Variants in USP45 observed in about 807,000 individuals in gnomAD.
USP45 encodes ubiquitin specific peptidase 45, also known as ubiquitin carboxyl-terminal hydrolase 45.
Under a neutral mutation model 95.8 loss-of-function variants are expected in USP45, and 89 were observed. The ratio of observed to expected loss-of-function variants is 0.93; its 90% CI spans 0.78 to 1.11. The LOEUF (loss-of-function observed/expected upper bound fraction) is 1.11. USP45 is among the 50% of genes least tolerant of loss of function. The pLI is 0.00. For missense variants in USP45, 898 were observed against 942.5 expected (o/e 0.95, Z 0.62); for synonymous variants, 281 against 316.2 (o/e 0.89, Z 1.18).
chr6:99,467,604 TAATA>T (rs1308940481), intron 10 of USP45, among the ~76,000 whole-genome samples: 2 of 152,000 alleles, frequency 1.3e-5, no homozygotes, highest in African/African-American at 4.8e-5. Context: ...AATACTATAA[TAATA>T]AAGATATTTC....
At chr6:99,510,857 A>G (rs1037053865) in intron 1 of USP45, among the ~76,000 whole-genome samples, 4 of 152,164 alleles carry the variant, frequency 2.6e-5, no homozygotes, top group African/African-American at 7.2e-5. Flanking sequence ...TCATCAACGG[A>G]GTAAGTATTG....
At chr6:99,506,007 G>A (rs190491165) in intron 4 of USP45, among the ~76,000 whole-genome samples, 5 of 152,114 alleles carry the variant, frequency 3.3e-5, no homozygotes, top group East Asian at 3.9e-4. Context: ...CTGTTCTTTC[G>A]TCATTCTCCC....
intron 1 of USP45, chr6:99,514,884 A>C (rs774671171): frequency 6.6e-6 from 1 of 152,200 alleles, no homozygotes; most frequent in Non-Finnish European, 1.5e-5. Context: ...TATTTTCCGC[A>C]TTTTACACTT....
chr6:99,453,418 C>G (rs958384736), intron 13 of USP45, among the ~76,000 whole-genome samples: 34 of 151,324 alleles, frequency 2.2e-4, no homozygotes, highest in African/African-American at 8.2e-4. Flanking sequence ...TTTACAATGG[C>G]TACAAAAGAA....
At position 99,507,455 on chromosome 6, in the gene USP45, A is replaced by T; in HGVS notation, c.350T>A (p.Ile117Lys). The change falls in exon 4 of 18, where the codon ATA becomes AAA. Residue 117 changes from isoleucine (I) to lysine (K), a missense_variant. Coordinates refer to ENST00000500704, the MANE Select transcript of USP45 (RefSeq NM_001346022.3). ...KSSRTEPHCI[I>K]INLSTWIIWC... is the part of the protein sequence containing the mutation. ...TATAATCCATGTGCTCAGATTAATT[A>T]TAATACAATGGGGCTCTGTTCTGGA... 6.2e-7 allele frequency: 1 copy of T among 1,611,764 alleles called. No individual in the cohort carries two copies. Among genetic ancestry groups the T allele is most frequent in the Non-Finnish European group, 8.5e-7 (1 of 1,178,828 alleles).
intron 5 of USP45, among the ~76,000 whole-genome samples, chr6:99,501,397 T>C (rs1335935588): frequency 1.3e-5 from 2 of 152,194 alleles, no homozygotes; most frequent in Non-Finnish European, 2.9e-5. Flanking sequence ...TTCATTACAG[T>C]ATCTGTCATG....
At chr6:99,514,682 T>C (rs1276603824) in intron 1 of USP45, among the ~76,000 whole-genome samples, 1 of 152,060 alleles carries the variant, frequency 6.6e-6, no homozygotes, top group Non-Finnish European at 1.5e-5. Context: ...AAAAAAATCC[T>C]TTTTTCCTAC....
At chr6:99,439,206 T>C (rs1781059491) in intron 16 of USP45, among the ~76,000 whole-genome samples, 1 of 152,184 alleles carries the variant, frequency 6.6e-6, no homozygotes. Context: ...AACTGCTTCC[T>C]TCAAGGAAGA....
chr6:99,452,892 C>T (rs1269502939), intron 13 of USP45, among the ~76,000 whole-genome samples: 2 of 152,080 alleles, frequency 1.3e-5, no homozygotes, highest in Non-Finnish European at 2.9e-5. Context: ...ATGGATGAAG[C>T]TGGAAACCAT....
At chr6:99,443,893 G>A (rs1003213248) in intron 14 of USP45, among the ~76,000 whole-genome samples, 5 of 152,070 alleles carry the variant, frequency 3.3e-5, no homozygotes, top group East Asian at 1.9e-4. Context: ...GAGGTAACAC[G>A]AAACAAAATT....
intron 15 of USP45, among the ~76,000 whole-genome samples, chr6:99,442,918 T>G (rs954499798): frequency 3.3e-5 from 5 of 151,426 alleles, no homozygotes; most frequent in African/African-American, 1.2e-4. Context: ...ATTAAGATTT[T>G]TATTTGAAAA....
At position 99,482,811 on chromosome 6, in the gene USP45, T is replaced by C; in HGVS notation, c.787A>G (p.Lys263Glu). The change falls in exon 8 of 18, where the codon AAG becomes GAG. Residue 263 changes from lysine (K) to glutamate (E), a missense_variant. Transcript: ENST00000500704. ...SALFLFLHSMKETEKGPLSPK... is the reference protein window; with the variant it reads ...SALFLFLHSMEETEKGPLSPK... ...GAAAGTGGTCCTTTTTCAGTCTCCT[T>C]CATGCTGTGAAGAAACAGGAACAAG... 6.2e-7 allele frequency: 1 copy of C among 1,607,316 alleles called. No homozygotes were observed. The highest frequency in any genetic ancestry group is 8.5e-7 in the Non-Finnish European group (1 of 1,176,434).
intron 3 of USP45, 92 bp from the exon 4 acceptor site, chr6:99,507,623 A>G: frequency 1.2e-6 from 1 of 844,044 alleles, no homozygotes; most frequent in Non-Finnish European, 1.8e-6. Flanking sequence ...TATACTGAAA[A>G]GTTTTGTTTT....
At chr6:99,467,308 T>C (rs1275435695) in intron 10 of USP45, among the ~76,000 whole-genome samples, 4 of 152,082 alleles carry the variant, frequency 2.6e-5, no homozygotes, top group African/African-American at 9.7e-5. Flanking sequence ...TGGGAGAAAA[T>C]GGATTAAACA....
intron 9 of USP45, among the ~76,000 whole-genome samples, chr6:99,469,497 T>A (rs1351497563): frequency 6.8e-6 from 1 of 146,110 alleles, no homozygotes; most frequent in Non-Finnish European, 1.5e-5. Flanking sequence ...TTTTTTTTTT[T>A]TTTGAGAGTC....
intron 15 of USP45, among the ~76,000 whole-genome samples, chr6:99,440,559 A>G (rs1239453898): frequency 6.6e-6 from 1 of 152,220 alleles, no homozygotes; most frequent in Non-Finnish European, 1.5e-5. Context: ...ATCTGAAATG[A>G]ATGGGTAGAC....
Position 99,434,562 on chromosome 6 carries a change from G to GA in USP45, c.*1153dup, listed in dbSNP as rs1288421158. ...GCTCAATAATTTGTATTCTAGAGGG[G>GA]AAAAATGATATTTTTGCTATTATTT... On this transcript the variant is annotated 3_prime_UTR_variant, in exon 18 of 18. Coordinates refer to ENST00000500704, the MANE Select transcript of USP45 (RefSeq NM_001346022.3). The GA allele has an allele frequency of 2.6e-5, 4 of 151,984 alleles. No homozygotes were observed. The highest frequency in any genetic ancestry group is 4.4e-5 in the Non-Finnish European group (3 of 67,990). 9.4% of individuals were successfully genotyped at this position (151,984 alleles called of 1,614,324 possible).
chr6:99,462,196 T>G, intron 13 of USP45: 1 of 976,050 alleles, frequency 1.0e-6, no homozygotes, highest in Non-Finnish European at 1.2e-6. Flanking sequence ...ACAAAAAATA[T>G]TATATGAAAA....
chr6:99,451,590 AAATGGCC>A (rs1783850497), intron 13 of USP45, among the ~76,000 whole-genome samples: 1 of 152,218 alleles, frequency 6.6e-6, no homozygotes, highest in South Asian at 2.1e-4. Context: ...AATATTGTGA[AAATGGCC>A]ATACTGCCCA....
Sources: gnomAD v4.1 joint callset for allele counts (sites outside exome capture counted in the v4.1 genomes callset) on GRCh38, gnomAD v4.1.1 for gene constraint, MANE v1.5 for transcripts, NCBI Gene and HGNC (gene_info 2026-07-23, HGNC 2026-07-21) for gene names.